Variants in RIMBP2 observed in about 807,000 individuals in gnomAD.
RIMBP2 encodes RIMS-binding protein 2.
RIMBP2 carries 48 observed loss-of-function variants against 118.6 expected under a neutral mutation model. The ratio of observed to expected loss-of-function variants is 0.40; its 90% CI spans 0.32 to 0.51. RIMBP2 has a LOEUF of 0.51. Among genes scored for constraint, RIMBP2 ranks in the 20% least tolerant of loss-of-function variants. RIMBP2 has a pLI of 0.41. For missense variants in RIMBP2, 1,551 were observed against 1,768.3 expected, an observed-to-expected ratio of 0.88 and a Z score of 2.20; for synonymous variants, 762 against 742.9, an observed-to-expected ratio of 1.03 and a Z score of -0.42.
intron 2 of RIMBP2, among the ~76,000 whole-genome samples, chr12:130,567,696 C>T (rs77030653): frequency 0.014 from 2,070 of 152,344 alleles, 44 homozygotes; most frequent in African/African-American, 0.047. Flanking sequence ...GCAGCCACAG[C>T]GGCCAACACC....
chr12:130,650,915 G>T, intron 1 of RIMBP2, among the ~76,000 whole-genome samples: 1 of 141,082 alleles, frequency 7.1e-6, no homozygotes, highest in East Asian at 2.1e-4. Context: ...GAGATTTCAA[G>T]CAGCATTTTC....
chr12:130,410,066 G>A (rs372514984), intron 19 of RIMBP2, among the ~76,000 whole-genome samples: 2 of 152,224 alleles, frequency 1.3e-5, no homozygotes, highest in East Asian at 1.9e-4. Context: ...ACGGCCAGCC[G>A]TTTTAATCTT....
chr12:130,540,874 G>A (rs2054544185), intron 2 of RIMBP2, among the ~76,000 whole-genome samples: 1 of 152,166 alleles, frequency 6.6e-6, no homozygotes, highest in Non-Finnish European at 1.5e-5. Flanking sequence ...CAGTTTCTGG[G>A]TATTTCAAGG....
intron 22 of RIMBP2, 106 bp downstream of exon 22, chr12:130,399,573 T>C: frequency 7.4e-7 from 1 of 1,345,344 alleles, no homozygotes; most frequent in African/African-American, 1.5e-5. Context: ...TCAGGGTGTA[T>C]TTACGCTTTT....
intron 2 of RIMBP2, among the ~76,000 whole-genome samples, chr12:130,580,034 A>AAC (rs1010439615): frequency 6.7e-6 from 1 of 149,640 alleles, no homozygotes; most frequent in Non-Finnish European, 1.5e-5. Context: ...AATACAAAAA[A>AAC]AAAAAAAAAA....
At chr12:130,463,260 C>T (rs1593395736) in intron 6 of RIMBP2, among the ~76,000 whole-genome samples, 3 of 152,340 alleles carry the variant, frequency 2.0e-5, no homozygotes, top group Non-Finnish European at 4.4e-5. Context: ...ACCCCGGCTG[C>T]AGGGATGCAG....
chr12:130,640,008 G>A (rs2062543915), intron 1 of RIMBP2, among the ~76,000 whole-genome samples: 1 of 152,256 alleles, frequency 6.6e-6, no homozygotes, highest in African/African-American at 2.4e-5. Flanking sequence ...ACCCTGTGGG[G>A]ACCTGGCTAG....
chr12:130,457,696 G>A (rs940816285), intron 6 of RIMBP2, among the ~76,000 whole-genome samples: 2 of 152,188 alleles, frequency 1.3e-5, no homozygotes, highest in Non-Finnish European at 2.9e-5. Flanking sequence ...CGGTGTCCAC[G>A]GCTACACTCT....
chr12:130,525,346 G>A lies in RIMBP2; in HGVS notation c.-216-7429C>T, dbSNP rs1423194916. The stretch of plus-strand genomic sequence containing the variant: ...GCTCTGGTGATGGGATAAGCAGAGG[G>A]CAGCATCAATGGGTGGGAGATAAAG... On this transcript the variant is annotated intron_variant, in intron 2 of 22. Coordinates refer to ENST00000690449, the MANE Select transcript of RIMBP2 (RefSeq NM_001393629.1). The surrounding 1 kb of genome is among the most constrained non-coding windows in gnomAD (Gnocchi z 4.4). Among the ~76,000 whole-genome samples, 5 of 152,214 alleles carry A rather than the reference G, an allele frequency of 3.3e-5. No homozygotes were observed. Among genetic ancestry groups the A allele is most frequent in the African/African-American group, 1.2e-4 (5 of 41,454 alleles).
chr12:130,454,174 G>A (rs1238143227), intron 7 of RIMBP2, among the ~76,000 whole-genome samples: 1 of 152,252 alleles, frequency 6.6e-6, no homozygotes, highest in Non-Finnish European at 1.5e-5. Context: ...TGGATAGGAG[G>A]TGGTATGTTA....
chr12:130,564,576 A>C (rs1188257626), intron 2 of RIMBP2, among the ~76,000 whole-genome samples: 1 of 152,246 alleles, frequency 6.6e-6, no homozygotes, highest in African/African-American at 2.4e-5. Context: ...CAGCCTGAAA[A>C]AAGGAAGGGA....
rs2076321828 is a variant in RIMBP2 at position 130,420,092 on chromosome 12, G to A, written c.3238+2361C>T. Among the ~76,000 whole-genome samples the A allele has an allele frequency of 6.6e-6, 1 of 152,142 alleles. No individual in the cohort carries two copies. The highest frequency in any genetic ancestry group is 2.1e-4 in the South Asian group (1 of 4,828). On this transcript the variant is annotated intron_variant, in intron 17 of 22. Transcript: ENST00000690449. The surrounding 1 kb of genome is among the most constrained non-coding windows in gnomAD (Gnocchi z 4.3). ...ATATTGTTTTCTAGTATTTTCACAA[G>A]AAAAATAGAAGTAAATGACAACTAG...
chr12:130,450,128 A>C lies in RIMBP2; in HGVS notation c.581+72T>G. ...GAGAAGGGAACTTCTCAGACCCCAG[A>C]GTGTTCCCAGACCCAACATCTCATC... On this transcript the variant is annotated intron_variant, in intron 9 of 22. Transcript: ENST00000690449. The surrounding 1 kb of genome is among the most constrained non-coding windows in gnomAD (Gnocchi z 4.8). 1 of 963,318 alleles carries C rather than the reference A, an allele frequency of 1.0e-6. No homozygotes were observed. Among genetic ancestry groups the C allele is most frequent in the Non-Finnish European group, 1.6e-6 (1 of 616,300 alleles). The allele number at this position is 963,318 out of a possible 1,614,324, so 59.7% of individuals were successfully genotyped here. A position where few individuals can be genotyped will look rare whatever the true frequency, so the allele number is the denominator to read the frequency against.
chr12:130,518,374 G>A (rs545941188), intron 2 of RIMBP2, among the ~76,000 whole-genome samples: 55 of 152,308 alleles, frequency 3.6e-4, no homozygotes, highest in African/African-American at 1.1e-3. Context: ...TGTGGTGAGC[G>A]GAACTTCTGG....
chr12:130,593,208 ACAG>A, intron 2 of RIMBP2, among the ~76,000 whole-genome samples: 1 of 152,306 alleles, frequency 6.6e-6, no homozygotes, highest in East Asian at 1.9e-4. Flanking sequence ...CCACCCACTG[ACAG>A]CAGTCTCTAA....
chr12:130,606,756 C>T (rs2060215236), intron 2 of RIMBP2, among the ~76,000 whole-genome samples: 1 of 152,304 alleles, frequency 6.6e-6, no homozygotes, highest in African/African-American at 2.4e-5. Context: ...CCTGGTCCTA[C>T]AGCCTGGCTT....
chr12:130,641,595 C>T (rs2062625884), intron 1 of RIMBP2, among the ~76,000 whole-genome samples: 1 of 152,268 alleles, frequency 6.6e-6, no homozygotes, highest in Admixed American at 6.5e-5. Context: ...CTCTGCTAAT[C>T]AGCCTCATGG....
intron 2 of RIMBP2, among the ~76,000 whole-genome samples, chr12:130,570,153 G>C (rs1298588191): frequency 2.0e-5 from 3 of 152,198 alleles, no homozygotes; most frequent in Non-Finnish European, 4.4e-5. Flanking sequence ...GCCAGGTATA[G>C]TGACTCACAC....
intron 21 of RIMBP2, 147 bp from the exon 22 acceptor site, chr12:130,399,960 CAGG>C (rs2136262142): frequency 1.1e-6 from 1 of 893,400 alleles, no homozygotes; most frequent in East Asian, 2.6e-5. Flanking sequence ...GACTCTAAAT[CAGG>C]GTTTCCAAAT....
Sources: gnomAD v4.1 joint callset for allele counts (sites outside exome capture counted in the v4.1 genomes callset) on GRCh38, gnomAD v4.1.1 for gene constraint, Gnocchi (gnomAD v3.1) non-coding constraint, MANE v1.5 for transcripts, NCBI Gene and HGNC (gene_info 2026-07-23, HGNC 2026-07-21) for gene names.